CSMD3: variants seen among roughly 807,000 people sequenced by gnomAD.
CSMD3 encodes the protein CUB and Sushi multiple domains 3.
Under a neutral mutation model 435.2 loss-of-function variants are expected in CSMD3, and 177 were observed. The observed-to-expected ratio is 0.41, with a 90% CI of 0.36 to 0.46. The LOEUF is 0.46. Ranked by LOEUF, CSMD3 falls within the 20% of genes least tolerant of loss-of-function variation. The pLI is 0.34. For synonymous variants in CSMD3, 1,656 were observed against 1,520.5 expected (o/e 1.09, Z -2.07); for missense variants, 4,265 against 4,504.6 (o/e 0.95, Z 1.52).
chr8:112,873,538 G>T (rs1164043789), intron 10 of CSMD3, among the ~76,000 whole-genome samples: 1 of 151,804 alleles, frequency 6.6e-6, no homozygotes, highest in East Asian at 1.9e-4. Flanking sequence ...TTACCTCTGA[G>T]CTCCTTTATG....
chr8:112,704,029 A>T (rs1435035018), intron 13 of CSMD3, among the ~76,000 whole-genome samples: 1 of 152,142 alleles, frequency 6.6e-6, no homozygotes, highest in Non-Finnish European at 1.5e-5. Flanking sequence ...ATGCCCTGGG[A>T]CACGGGTTTC....
At chr8:112,869,247 T>C (rs1022202397) in intron 10 of CSMD3, among the ~76,000 whole-genome samples, 1 of 152,126 alleles carries the variant, frequency 6.6e-6, no homozygotes, top group Non-Finnish European at 1.5e-5. Context: ...ATAAGAAAAA[T>C]TCTGTTGGTT....
chr8:112,918,393 G>A (rs1404001371), intron 10 of CSMD3, among the ~76,000 whole-genome samples: 1 of 151,460 alleles, frequency 6.6e-6, no homozygotes, highest in Non-Finnish European at 1.5e-5. Flanking sequence ...GTAACTTAAC[G>A]GACTTTGATT....
At chr8:112,704,358 T>A (rs1477918483) in intron 13 of CSMD3, among the ~76,000 whole-genome samples, 1 of 152,150 alleles carries the variant, frequency 6.6e-6, no homozygotes, top group Non-Finnish European at 1.5e-5. Flanking sequence ...ACTCTAAATA[T>A]GTTACTTGAA....
chr8:112,417,276 G>T (rs1177265694), intron 32 of CSMD3, among the ~76,000 whole-genome samples: 2 of 152,056 alleles, frequency 1.3e-5, no homozygotes, highest in African/African-American at 4.8e-5. Flanking sequence ...GACTCTCAAG[G>T]ACTTAATCCA....
At chr8:113,248,921 T>A (rs2093307629) in intron 3 of CSMD3, among the ~76,000 whole-genome samples, 1 of 151,830 alleles carries the variant, frequency 6.6e-6, no homozygotes, top group Admixed American at 6.6e-5. Context: ...TAGAAAAAAA[T>A]GTTATTCATA....
intron 4 of CSMD3, among the ~76,000 whole-genome samples, chr8:113,144,551 GA>G: frequency 6.6e-6 from 1 of 151,470 alleles, no homozygotes; most frequent in Non-Finnish European, 1.5e-5. Context: ...TAGATGCTTA[GA>G]TCTGCCGTTA....
At chr8:112,698,008 G>A (rs1349619553) in intron 13 of CSMD3, among the ~76,000 whole-genome samples, 1 of 152,090 alleles carries the variant, frequency 6.6e-6, no homozygotes, top group African/African-American at 2.4e-5. Context: ...AAGTGGAATG[G>A]GTAGAGTTAG....
In CSMD3 at chr8:112,255,612, A is replaced by G. The variant is rs531009848; in HGVS notation, c.9863-185T>C. On this transcript the variant is annotated intron_variant, in intron 61 of 70. Coordinates refer to ENST00000297405, the MANE Select transcript of CSMD3 (RefSeq NM_198123.2). The stretch of plus-strand genomic sequence containing the variant: ...CAGATAAATACTGAATTGAAAACTC[A>G]GTATAATATTTAAAAATTAGCTCGA... 7 of 586,200 alleles carry G rather than the reference A, an allele frequency of 1.2e-5. No homozygotes were observed. In the African/African-American group the frequency reaches 1.3e-4, roughly 11 times the overall value. 36.3% of individuals were successfully genotyped at this position (586,200 alleles called of 1,614,324 possible).
At chr8:112,259,900 C>T (rs539699336) in intron 61 of CSMD3, among the ~76,000 whole-genome samples, 1 of 152,108 alleles carries the variant, frequency 6.6e-6, no homozygotes, top group African/African-American at 2.4e-5. Flanking sequence ...TATTGCCTAA[C>T]CTACTTCTGA....
chr8:112,878,368 T>C (rs1159081840), intron 10 of CSMD3, among the ~76,000 whole-genome samples: 6 of 152,158 alleles, frequency 3.9e-5, no homozygotes, highest in Non-Finnish European at 7.4e-5. Flanking sequence ...CACAATGATA[T>C]ACCATCTCAT....
intron 27 of CSMD3, among the ~76,000 whole-genome samples, chr8:112,542,262 T>A (rs1826742719): frequency 6.7e-6 from 1 of 150,318 alleles, no homozygotes; most frequent in African/African-American, 2.4e-5. Flanking sequence ...GCCAAGGATG[T>A]TCACTTCCCA....
At chr8:113,399,554 A>G (rs1408727238) in intron 1 of CSMD3, among the ~76,000 whole-genome samples, 6 of 152,018 alleles carry the variant, frequency 3.9e-5, no homozygotes, top group Non-Finnish European at 8.8e-5. Flanking sequence ...ACAAAAGATT[A>G]TATATTTTAT....
intron 31 of CSMD3, among the ~76,000 whole-genome samples, chr8:112,489,281 T>G (rs1400283134): frequency 3.3e-5 from 5 of 151,952 alleles, no homozygotes; most frequent in Non-Finnish European, 5.9e-5. Context: ...AAAAATTAGC[T>G]GGGTGTAGTG....
intron 11 of CSMD3, among the ~76,000 whole-genome samples, chr8:112,855,809 CTTT>C (rs34885472): frequency 7.4e-5 from 10 of 135,578 alleles, no homozygotes; most frequent in African/African-American, 2.4e-4. Flanking sequence ...CTTAGCGAAG[CTTT>C]TTTTTTTTTT....
chr8:112,526,770 G>A (rs890125691), intron 27 of CSMD3, among the ~76,000 whole-genome samples: 3 of 151,762 alleles, frequency 2.0e-5, no homozygotes, highest in Non-Finnish European at 4.4e-5. Context: ...AAAGGGTTGT[G>A]ATGTTTATAA....
intron 18 of CSMD3, among the ~76,000 whole-genome samples, chr8:112,652,360 T>C (rs980285543): frequency 6.6e-6 from 1 of 152,170 alleles, no homozygotes; most frequent in Non-Finnish European, 1.5e-5. Context: ...CCAGGTGATA[T>C]ATAACTTTCC....
rs1339759735 is a variant in CSMD3, at chr8:112,722,779, G to A, written c.1973-32729C>T. Among the ~76,000 whole-genome samples the A allele has an allele frequency of 2.6e-5, 4 of 152,266 alleles. No homozygotes were observed. In the South Asian group the frequency reaches 8.3e-4, roughly 32 times the overall value. ...AGTAAAATGAGGAATTAATTCACGA[G>A]CTACAGAAAATAATATGTGTATAAA... On this transcript the variant is annotated intron_variant, in intron 13 of 70. Transcript: ENST00000297405.
At chr8:112,917,633 G>T (rs1384687178) in intron 10 of CSMD3, among the ~76,000 whole-genome samples, 2 of 151,924 alleles carry the variant, frequency 1.3e-5, no homozygotes, top group East Asian at 3.9e-4. Flanking sequence ...CATCCATAAA[G>T]CGAGACTTTA....
Sources: gnomAD v4.1 joint callset for allele counts (sites outside exome capture counted in the v4.1 genomes callset) on GRCh38, gnomAD v4.1.1 for gene constraint, MANE v1.5 for transcripts, NCBI Gene and HGNC (gene_info 2026-07-23, HGNC 2026-07-21) for gene names.